The following NR3C2 variants were observed in gnomAD, a reference collection of about 807,000 sequenced individuals.
NR3C2 encodes nuclear receptor subfamily 3 group C member 2, also known as mineralocorticoid receptor.
In NR3C2, 15 loss-of-function variants were observed where a neutral mutation model predicts 86.4. That is an observed-to-expected ratio of 0.17 (90% CI 0.12 to 0.27). NR3C2 has a LOEUF of 0.27. Ranked by LOEUF, NR3C2 falls within the 10% of genes least tolerant of loss-of-function variation. The pLI is 1.00. For synonymous variants in NR3C2, 458 were observed against 450.5 expected (o/e 1.02, Z -0.21); for missense variants, 960 against 1,195.6 (o/e 0.80, Z 2.91).
At chr4:148,108,007 G>A (rs1455928901) in intron 8 of NR3C2, among the ~76,000 whole-genome samples, 1 of 152,094 alleles carries the variant, frequency 6.6e-6, no homozygotes, top group Non-Finnish European at 1.5e-5. Context: ...AGAACTTAAA[G>A]TAAAATAAAA....
chr4:148,374,539 A>G (rs1016881913), intron 2 of NR3C2, among the ~76,000 whole-genome samples: 8 of 152,142 alleles, frequency 5.3e-5, no homozygotes, highest in Admixed American at 5.2e-4. Flanking sequence ...ACTGTACATG[A>G]AAATTCTAGA....
At chr4:148,238,414 A>T (rs1738849768) in intron 3 of NR3C2, among the ~76,000 whole-genome samples, 1 of 152,218 alleles carries the variant, frequency 6.6e-6, no homozygotes, top group Admixed American at 6.5e-5. Context: ...GGTCAGAGAA[A>T]CCAACACAGA....
chr4:148,348,448 T>G (rs1222083597), intron 2 of NR3C2, among the ~76,000 whole-genome samples: 1 of 152,170 alleles, frequency 6.6e-6, no homozygotes, highest in East Asian at 1.9e-4. Context: ...TCAGAAAATA[T>G]TAGTAGAATA....
chr4:148,190,497 T>C (rs1189232349), intron 4 of NR3C2, among the ~76,000 whole-genome samples: 1 of 152,242 alleles, frequency 6.6e-6, no homozygotes, highest in Non-Finnish European at 1.5e-5. Flanking sequence ...TTGAATAGAA[T>C]GTGTATTCTG....
At chr4:148,442,604 G>C (rs1403378564), upstream of NR3C2, 1 of 979,234 alleles carries the variant, frequency 1.0e-6, no homozygotes, top group African/African-American at 1.8e-5. Flanking sequence ...GAGAAGCAAG[G>C]CTCCACGCCG....
upstream of NR3C2, chr4:148,445,068 G>A: frequency 2.2e-6 from 2 of 917,450 alleles, no homozygotes; most frequent in South Asian, 5.0e-5. Flanking sequence ...CCGCGGGTGG[G>A]AAACGGGCAG....
At chr4:148,409,190 G>A (rs1579263838) in intron 2 of NR3C2, among the ~76,000 whole-genome samples, 1 of 152,100 alleles carries the variant, frequency 6.6e-6, no homozygotes, top group African/African-American at 2.4e-5. Context: ...GTCATTAGGA[G>A]AATATGTGCA....
chr4:148,098,700 A>G (rs376402998), intron 8 of NR3C2, among the ~76,000 whole-genome samples: 5 of 152,344 alleles, frequency 3.3e-5, no homozygotes, highest in African/African-American at 1.2e-4. Context: ...TTGTAAATAC[A>G]AAATCTGAGA....
intron 4 of NR3C2, among the ~76,000 whole-genome samples, chr4:148,178,726 G>T (rs1735503217): frequency 6.6e-6 from 1 of 151,360 alleles, no homozygotes; most frequent in Non-Finnish European, 1.5e-5. Flanking sequence ...CAGCCCAATC[G>T]GAAGCCCTGT....
chr4:148,266,867 A>AT (rs1340506538), intron 2 of NR3C2, among the ~76,000 whole-genome samples: 19 of 152,270 alleles, frequency 1.2e-4, no homozygotes, highest in South Asian at 1.2e-3. Context: ...ATTCAGAGAA[A>AT]TTTTTTTAAA....
intron 2 of NR3C2, among the ~76,000 whole-genome samples, chr4:148,348,728 T>C (rs1745123738): frequency 6.6e-6 from 1 of 152,180 alleles, no homozygotes; most frequent in Non-Finnish European, 1.5e-5. Flanking sequence ...AGTGCTTATG[T>C]CTACTTGTAA....
intron 2 of NR3C2, among the ~76,000 whole-genome samples, chr4:148,306,041 G>A (rs1742601858): frequency 6.6e-6 from 1 of 152,096 alleles, no homozygotes; most frequent in South Asian, 2.1e-4. Flanking sequence ...ATAGCCATCT[G>A]GCCAACAATA....
rs532898643 is a variant in NR3C2, at chr4:148,214,374, A to T, written c.1898-19512T>A. On this transcript the variant is annotated intron_variant, in intron 3 of 8. Coordinates refer to ENST00000358102, the MANE Select transcript of NR3C2 (RefSeq NM_000901.5). ...GTGTTTTTGAAGAGTTTTTTTTTTT[A>T]AAAAGGAAAACAGAGTAATACAACA... 2.0e-3 allele frequency among the ~76,000 whole-genome samples: 295 copies of T among 151,214 alleles called. 1 individual carries two copies. Among genetic ancestry groups the T allele is most frequent in the African/African-American group, 4.9e-3 (204 of 41,246 alleles).
chr4:148,237,472 G>C (rs188815960), intron 3 of NR3C2, among the ~76,000 whole-genome samples: 51 of 152,244 alleles, frequency 3.3e-4, no homozygotes, highest in Non-Finnish European at 6.5e-4. Flanking sequence ...ACTTACGTCT[G>C]TGAACGTTAA....
intron 2 of NR3C2, among the ~76,000 whole-genome samples, chr4:148,420,549 C>A (rs373721505): frequency 2.0e-5 from 3 of 152,110 alleles, no homozygotes; most frequent in African/African-American, 7.2e-5. Context: ...ACTTTGTAAC[C>A]GGATCTTGAA....
At chr4:148,429,512 T>G (rs755835031) in intron 2 of NR3C2, among the ~76,000 whole-genome samples, 4 of 152,236 alleles carry the variant, frequency 2.6e-5, no homozygotes, top group Non-Finnish European at 5.9e-5. Context: ...TCCACCACTT[T>G]TCTACATAAA....
intron 3 of NR3C2, among the ~76,000 whole-genome samples, chr4:148,242,063 G>A (rs1433263162): frequency 6.6e-6 from 1 of 152,148 alleles, no homozygotes. Flanking sequence ...TAGGATTTAA[G>A]TGTTTAATAG....
At chr4:148,162,563 A>G (rs1734708894) in intron 4 of NR3C2, among the ~76,000 whole-genome samples, 2 of 152,154 alleles carry the variant, frequency 1.3e-5, no homozygotes, top group Admixed American at 6.5e-5. Flanking sequence ...AGAGATTTAA[A>G]TAGCTTCTGG....
chr4:148,388,275 G>GATTTTTAA (rs1747368151), intron 2 of NR3C2, among the ~76,000 whole-genome samples: 1 of 152,152 alleles, frequency 6.6e-6, no homozygotes, highest in Admixed American at 6.5e-5. Flanking sequence ...AAATGTTTTG[G>GATTTTTAA]ATTTTACACT....
Sources: gnomAD v4.1 joint callset for allele counts (sites outside exome capture counted in the v4.1 genomes callset) on GRCh38, gnomAD v4.1.1 for gene constraint, MANE v1.5 for transcripts, NCBI Gene and HGNC (gene_info 2026-07-23, HGNC 2026-07-21) for gene names.